Variants in MELK observed in about 807,000 individuals in gnomAD.
MELK encodes pEg3 kinase.
A neutral mutation model predicts 85.0 loss-of-function variants in MELK; 81 were observed. That is an observed-to-expected ratio of 0.95 (90% confidence interval 0.80 to 1.15). The LOEUF is 1.15. Ranked by LOEUF, MELK falls within the 50% of genes most tolerant of loss-of-function variation. MELK has a pLI of 0.00. For missense variants in MELK, 754 were observed against 777.5 expected, an observed-to-expected ratio of 0.97 and a Z score of 0.36; for synonymous variants, 252 against 265.0, an observed-to-expected ratio of 0.95 and a Z score of 0.48.
At chr9:36,594,924 C>CTT (rs756955937) in intron 5 of MELK, among the ~76,000 whole-genome samples, 153 bp downstream of exon 5, 32 of 131,906 alleles carry the variant, frequency 2.4e-4, no homozygotes, top group Middle Eastern at 4.0e-3. Flanking sequence ...TTTCCTCTTA[C>CTT]TTTTTTTTTT....
chr9:36,653,017 G>T (rs932501052), intron 12 of MELK, among the ~76,000 whole-genome samples: 11 of 152,040 alleles, frequency 7.2e-5, no homozygotes, highest in African/African-American at 2.7e-4. Context: ...TTATGTTAAG[G>T]GTTTAGGTTT....
In MELK at chr9:36,610,817, A is replaced by G. The variant is rs535244131; in HGVS notation, c.666+3144A>G. Among the ~76,000 whole-genome samples, 9 of 152,222 alleles carry G rather than the reference A, an allele frequency of 5.9e-5. No homozygotes were observed. In the South Asian group the frequency reaches 1.7e-3, roughly 28 times the overall value. ...AGCTCAGTAACATTTATCCAGTTAT[A>G]CTTTTACAAAATATTAGGTTGGCCT... On this transcript the variant is annotated intron_variant, in intron 8 of 17. Coordinates refer to ENST00000298048, the MANE Select transcript of MELK (RefSeq NM_014791.4).
chr9:36,616,358 A>G (rs1826782702), intron 8 of MELK, among the ~76,000 whole-genome samples: 1 of 149,548 alleles, frequency 6.7e-6, no homozygotes, highest in Non-Finnish European at 1.5e-5. Context: ...AAGTTGGAAA[A>G]TTATTAAAGG....
chr9:36,619,045 G>A (rs529049364), intron 8 of MELK, among the ~76,000 whole-genome samples: 4 of 149,238 alleles, frequency 2.7e-5, no homozygotes, highest in Non-Finnish European at 3.0e-5. Flanking sequence ...TGCAACCTCC[G>A]CCTCCCAGGT....
At chr9:36,585,495 C>G (rs764786130) in intron 3 of MELK, among the ~76,000 whole-genome samples, 7 of 151,912 alleles carry the variant, frequency 4.6e-5, no homozygotes, top group Non-Finnish European at 8.8e-5. Flanking sequence ...TCAGTAGAGA[C>G]AGGATTTCAT....
intron 10 of MELK, among the ~76,000 whole-genome samples, chr9:36,642,383 A>AG (rs375159111): frequency 1.5e-3 from 219 of 146,878 alleles, no homozygotes; most frequent in African/African-American, 5.4e-3. Flanking sequence ...GTGGTAGGGA[A>AG]GGGGAGTATA....
At chr9:36,596,366 C>T (rs1824237249) in intron 5 of MELK, among the ~76,000 whole-genome samples, 1 of 151,154 alleles carries the variant, frequency 6.6e-6, no homozygotes, top group Non-Finnish European at 1.5e-5. Context: ...CGCCATTCTC[C>T]TGCCTCAGCC....
intron 13 of MELK, among the ~76,000 whole-genome samples, chr9:36,661,006 CAA>C (rs1256800374): frequency 1.3e-5 from 2 of 151,866 alleles, no homozygotes; most frequent in East Asian, 3.9e-4. Flanking sequence ...AAAAAACAAA[CAA>C]AGAATAAAAA....
At chr9:36,653,048 A>C (rs1219093011) in intron 12 of MELK, among the ~76,000 whole-genome samples, 1 of 152,220 alleles carries the variant, frequency 6.6e-6, no homozygotes, top group African/African-American at 2.4e-5. Flanking sequence ...TAAAATTTTC[A>C]TACTGAAATG....
Position 36,665,397 on chromosome 9 carries a change from A to T in MELK, c.1224A>T (p.Leu408Phe). The T allele has an allele frequency of 6.2e-7, 1 of 1,613,692 alleles. No individual in the cohort carries two copies. The highest frequency in any genetic ancestry group is 1.7e-4 in the Middle Eastern group (1 of 6,046). The part of the protein sequence containing the change: ...TESNGVESKS[L>F]TPALCRTPAN... ...CAAATGGGGTGGAATCTAAATCATT[A>T]ACTCCAGCCTTATGCAGAACACCTG... The change falls in exon 14 of 18, where the codon TTA becomes TTT. Residue 408 changes from leucine to phenylalanine, a missense_variant. Coordinates refer to ENST00000298048, the MANE Select transcript of MELK (RefSeq NM_014791.4).
At chr9:36,583,289 G>T (rs936097571) in intron 2 of MELK, among the ~76,000 whole-genome samples, 1 of 152,004 alleles carries the variant, frequency 6.6e-6, no homozygotes, top group African/African-American at 2.4e-5. Flanking sequence ...ATTTAAAACT[G>T]AGTGGAAGTT....
At chr9:36,624,965 C>G (rs1827795603) in intron 8 of MELK, among the ~76,000 whole-genome samples, 1 of 152,084 alleles carries the variant, frequency 6.6e-6, no homozygotes, top group Admixed American at 6.6e-5. Context: ...TGTGAAGCAG[C>G]TAAACCCTCA....
At chr9:36,621,903 G>A (rs1382751900) in intron 8 of MELK, among the ~76,000 whole-genome samples, 2 of 152,116 alleles carry the variant, frequency 1.3e-5, no homozygotes, top group Admixed American at 6.5e-5. Flanking sequence ...GTAGATCCTA[G>A]ATTAATCCTT....
intron 12 of MELK, among the ~76,000 whole-genome samples, chr9:36,653,555 G>C (rs189430169): frequency 1.3e-5 from 2 of 152,112 alleles, no homozygotes; most frequent in African/African-American, 2.4e-5. Flanking sequence ...ATTTCCCATG[G>C]CTTAAAATTC....
chr9:36,574,937 C>T (rs1430110667), intron 1 of MELK, among the ~76,000 whole-genome samples: 2 of 151,996 alleles, frequency 1.3e-5, no homozygotes, highest in Non-Finnish European at 2.9e-5. Flanking sequence ...GAGTTCAAGA[C>T]CAGCCTGGCC....
chr9:36,662,337 G>T lies in MELK; in HGVS notation c.1177-3013G>T, dbSNP rs1450972706. On this transcript the variant is annotated intron_variant, in intron 13 of 17. Coordinates refer to ENST00000298048, the MANE Select transcript of MELK (RefSeq NM_014791.4). ...AGGCTCACTGCAACCTCTTCCTCCT[G>T]GGTTCAAGTGATTCTCCTGCCTCAG... Among the ~76,000 whole-genome samples the T allele has an allele frequency of 2.0e-5, 3 of 150,746 alleles. No individual in the cohort carries two copies. In the East Asian group the frequency reaches 5.8e-4, roughly 29 times the overall value.
chr9:36,664,879 C>T (rs1043296705), intron 13 of MELK, among the ~76,000 whole-genome samples: 21 of 152,282 alleles, frequency 1.4e-4, no homozygotes, highest in Middle Eastern at 3.4e-3. Flanking sequence ...TTAGTTTGGC[C>T]TCTCAGGATT....
At chr9:36,600,627 C>T (rs921549047) in intron 7 of MELK, among the ~76,000 whole-genome samples, 6 of 152,150 alleles carry the variant, frequency 3.9e-5, no homozygotes, top group Non-Finnish European at 7.4e-5. Context: ...CCTCGTGATC[C>T]GCCTGCCTCG....
At chr9:36,601,162 C>T (rs1466102893) in intron 7 of MELK, among the ~76,000 whole-genome samples, 1 of 152,056 alleles carries the variant, frequency 6.6e-6, no homozygotes, top group Non-Finnish European at 1.5e-5. Flanking sequence ...AACATTGATA[C>T]AATTTATTTA....
Sources: allele counts gnomAD v4.1 joint callset (sites outside exome capture counted in the v4.1 genomes callset), GRCh38; gene constraint gnomAD v4.1.1; transcripts MANE v1.5; gene names NCBI Gene and HGNC (gene_info 2026-07-23, HGNC 2026-07-21).